CCDC7: variants seen among roughly 807,000 people sequenced by gnomAD.
CCDC7 encodes the protein coiled-coil domain containing 7.
Under a neutral mutation model 196.9 loss-of-function variants are expected in CCDC7, and 183 were observed. The ratio of observed to expected loss-of-function variants is 0.93; its 90% CI spans 0.82 to 1.05. CCDC7 has a LOEUF of 1.05. Among genes scored for constraint, CCDC7 ranks in the 50% least tolerant of loss-of-function variants. The probability of loss-of-function intolerance (pLI) is 0.00; values close to 1 mark genes in which losing one functional copy is unlikely to be tolerated. For missense variants in CCDC7, 1,540 were observed against 1,482.2 expected (o/e 1.04, Z -0.64); for synonymous variants, 525 against 484.6 (o/e 1.08, Z -1.10).
intron 41 of CCDC7, among the ~76,000 whole-genome samples, chr10:32,864,377 T>C (rs1273059516): frequency 6.6e-6 from 1 of 151,500 alleles, no homozygotes; most frequent in Non-Finnish European, 1.5e-5. Context: ...AATGCCTTTT[T>C]CAAAAAAAAT....
At chr10:32,653,463 C>G (rs949158963) in intron 20 of CCDC7, among the ~76,000 whole-genome samples, 1 of 152,160 alleles carries the variant, frequency 6.6e-6, no homozygotes, top group African/African-American at 2.4e-5. Context: ...ACTGTACTTT[C>G]TGCTCTCTTC....
intron 11 of CCDC7, among the ~76,000 whole-genome samples, chr10:32,526,236 C>A (rs543779418): frequency 6.6e-6 from 1 of 152,302 alleles, no homozygotes; most frequent in East Asian, 1.9e-4. Context: ...ACCGTTGATG[C>A]TGACTTAAAG....
intron 40 of CCDC7, among the ~76,000 whole-genome samples, chr10:32,852,412 T>C (rs2093598191): frequency 6.6e-6 from 1 of 152,200 alleles, no homozygotes; most frequent in Admixed American, 6.5e-5. Flanking sequence ...ATTCGATTCT[T>C]ATCTGTCACT....
At chr10:32,830,440 T>C (rs545165694) in intron 32 of CCDC7, among the ~76,000 whole-genome samples, 1 of 151,544 alleles carries the variant, frequency 6.6e-6, no homozygotes, top group South Asian at 2.1e-4. Context: ...CAACAGAAAC[T>C]TTTTATGAGG....
At chr10:32,593,416 T>C (rs1296481460) in intron 18 of CCDC7, among the ~76,000 whole-genome samples, 1 of 152,206 alleles carries the variant, frequency 6.6e-6, no homozygotes, top group Non-Finnish European at 1.5e-5. Context: ...TCCTGTAAAT[T>C]TGTTTAAGTT....
At position 32,862,560 on chromosome 10, in the gene CCDC7, T is replaced by TAA. The variant is rs60685885; in HGVS notation, c.4111+8080_4111+8081dup. 1.1e-4 allele frequency among the ~76,000 whole-genome samples: 16 copies of TAA among 146,416 alleles called. No individual in the cohort carries two copies. The East Asian group carries it at 2.0e-3, about 18-fold the overall frequency. Reference sequence around the variant, plus strand: ...TACCCCAGAACTTAAGGTATAATAATAAAAAAAAAACCCACAGCTAACATC... The same window carrying TAA: ...TACCCCAGAACTTAAGGTATAATAATAAAAAAAAAAAACCCACAGCTAACATC... On this transcript the variant is annotated intron_variant, in intron 41 of 41. Coordinates refer to ENST00000639629, the Ensembl canonical transcript of CCDC7.
downstream of CCDC7, among the ~76,000 whole-genome samples, chr10:32,880,397 T>C (rs1383341414): frequency 6.6e-6 from 1 of 152,006 alleles, no homozygotes; most frequent in Non-Finnish European, 1.5e-5. Context: ...TTTAATGGGG[T>C]TTTTTCTTTA....
chr10:32,774,537 C>T (rs1035913129), intron 28 of CCDC7, among the ~76,000 whole-genome samples: 2 of 152,190 alleles, frequency 1.3e-5, no homozygotes, highest in Non-Finnish European at 2.9e-5. Context: ...CTCTTACCAG[C>T]ATCAGATTTT....
intron 18 of CCDC7, among the ~76,000 whole-genome samples, chr10:32,593,653 GT>G (rs2060007397): frequency 6.6e-6 from 1 of 152,160 alleles, no homozygotes; most frequent in Non-Finnish European, 1.5e-5. Context: ...TATTGCCTAG[GT>G]TTTCTTCAAG....
chr10:32,702,529 A>G (rs1207623906), intron 24 of CCDC7, among the ~76,000 whole-genome samples: 1 of 152,134 alleles, frequency 6.6e-6, no homozygotes, highest in East Asian at 1.9e-4. Flanking sequence ...GTAGATGTCT[A>G]TTAGGTCCGC....
chr10:32,859,872 G>A (rs1016767719), intron 41 of CCDC7, among the ~76,000 whole-genome samples: 10 of 152,122 alleles, frequency 6.6e-5, no homozygotes, highest in Non-Finnish European at 4.4e-5. Flanking sequence ...GGAAGAGGTC[G>A]AATCCCTGAA....
chr10:32,810,510 G>C (rs976083224), intron 30 of CCDC7, among the ~76,000 whole-genome samples: 1 of 152,070 alleles, frequency 6.6e-6, no homozygotes. Flanking sequence ...GAAGCATCCA[G>C]ATATATAAAG....
chr10:32,670,172 T>G (rs2073770360), intron 21 of CCDC7, among the ~76,000 whole-genome samples: 2 of 152,138 alleles, frequency 1.3e-5, no homozygotes, highest in Admixed American at 1.3e-4. Flanking sequence ...ATATTCTTTC[T>G]TTATAATGAA....
intron 9 of CCDC7, among the ~76,000 whole-genome samples, chr10:32,494,710 G>A (rs572864910): frequency 5.3e-4 from 81 of 152,088 alleles, no homozygotes; most frequent in African/African-American, 1.8e-3. Context: ...CCATGTCCCT[G>A]CAAAGGACAT....
chr10:32,880,674 G>T (rs1371829449), downstream of CCDC7, among the ~76,000 whole-genome samples: 2 of 152,046 alleles, frequency 1.3e-5, no homozygotes, highest in African/African-American at 4.8e-5. Context: ...GTATAGTTTT[G>T]GGTTTTACAT....
At chr10:32,627,410 A>G (rs1207857642) in intron 18 of CCDC7, among the ~76,000 whole-genome samples, 1 of 151,784 alleles carries the variant, frequency 6.6e-6, no homozygotes, top group Non-Finnish European at 1.5e-5. Flanking sequence ...ACATTTTTTG[A>G]TGGAGTCATA....
chr10:32,644,080 C>T (rs1170673725), intron 20 of CCDC7, among the ~76,000 whole-genome samples: 1 of 152,020 alleles, frequency 6.6e-6, no homozygotes, highest in African/African-American at 2.4e-5. Flanking sequence ...TTATAATTGA[C>T]ATAATGGTAC....
intron 24 of CCDC7, among the ~76,000 whole-genome samples, chr10:32,708,042 G>A (rs2080106628): frequency 1.3e-5 from 2 of 152,076 alleles, no homozygotes; most frequent in South Asian, 4.2e-4. Context: ...GAACAAAGCT[G>A]GAGGCATCAC....
At chr10:32,579,606 C>T (rs1170418635) in intron 16 of CCDC7, among the ~76,000 whole-genome samples, 3 of 152,002 alleles carry the variant, frequency 2.0e-5, no homozygotes, top group East Asian at 1.9e-4. Flanking sequence ...ATAGTCATTA[C>T]GATGACCATG....
Sources: gnomAD v4.1 joint callset for allele counts (sites outside exome capture counted in the v4.1 genomes callset) on GRCh38, gnomAD v4.1.1 for gene constraint, MANE v1.5 for transcripts, NCBI Gene and HGNC (gene_info 2026-07-23, HGNC 2026-07-21) for gene names.